The following SYN3 variants were observed in gnomAD, a reference collection of about 807,000 sequenced individuals.
SYN3 encodes synapsin III.
Under a neutral mutation model 65.8 loss-of-function variants are expected in SYN3, and 35 were observed. The ratio of observed to expected loss-of-function variants is 0.53; its 90% CI spans 0.41 to 0.70. The LOEUF is 0.70. Ranked by LOEUF, SYN3 falls within the 30% of genes least tolerant of loss-of-function variation. The pLI is 0.00. For missense variants in SYN3, 680 were observed against 749.0 expected (o/e 0.91, Z 1.08); for synonymous variants, 270 against 292.9 (o/e 0.92, Z 0.80).
intron 6 of SYN3, among the ~76,000 whole-genome samples, chr22:32,598,728 C>T (rs951966376): frequency 6.6e-5 from 10 of 152,010 alleles, no homozygotes; most frequent in Non-Finnish European, 1.2e-4. Flanking sequence ...TCAGGTGATC[C>T]GCCTGCCTCA....
At chr22:32,637,770 T>C (rs1468042905) in intron 6 of SYN3, among the ~76,000 whole-genome samples, 1 of 151,652 alleles carries the variant, frequency 6.6e-6, no homozygotes, top group African/African-American at 2.4e-5. Context: ...CTTGAGTAGC[T>C]GGGATTACAG....
chr22:32,524,414 G>A (rs1483564564), intron 12 of SYN3, among the ~76,000 whole-genome samples: 1 of 152,196 alleles, frequency 6.6e-6, no homozygotes, highest in Non-Finnish European at 1.5e-5. Context: ...GGAAATCCTA[G>A]GGCCCTTAAG....
chr22:32,886,689 G>C (rs1292492260), intron 4 of SYN3, among the ~76,000 whole-genome samples: 1 of 152,160 alleles, frequency 6.6e-6, no homozygotes, highest in Non-Finnish European at 1.5e-5. Context: ...TCAATCCCCT[G>C]CCCCTTATTC....
At chr22:32,753,073 G>C (rs990563707) in intron 6 of SYN3, among the ~76,000 whole-genome samples, 1 of 152,150 alleles carries the variant, frequency 6.6e-6, no homozygotes, top group African/African-American at 2.4e-5. Flanking sequence ...CAGAGGCCAA[G>C]AAGAGCCCCT....
intron 6 of SYN3, among the ~76,000 whole-genome samples, chr22:32,815,668 C>T (rs1219998015): frequency 6.6e-6 from 1 of 152,146 alleles, no homozygotes; most frequent in Non-Finnish European, 1.5e-5. Context: ...TATAAACATA[C>T]ATGTCAGAAA....
At chr22:32,887,201 A>C (rs2049317668) in intron 4 of SYN3, among the ~76,000 whole-genome samples, 1 of 151,978 alleles carries the variant, frequency 6.6e-6, no homozygotes, top group South Asian at 2.1e-4. Context: ...ACATAGTGAG[A>C]CCTCATCTCT....
At chr22:32,935,909 G>A (rs1326639498) in intron 3 of SYN3, among the ~76,000 whole-genome samples, 1 of 152,152 alleles carries the variant, frequency 6.6e-6, no homozygotes, top group East Asian at 1.9e-4. Context: ...TTAAAACAGA[G>A]GTAATGATAT....
Position 32,849,631 on chromosome 22 carries a change from G to A in SYN3, c.711+15284C>T, listed in dbSNP as rs529140937. 5 of 1,060,144 alleles carry A rather than the reference G, an allele frequency of 4.7e-6. No individual in the cohort carries two copies. In the South Asian group the frequency reaches 5.4e-5, roughly 11 times the overall value. 65.7% of individuals were successfully genotyped at this position (1,060,144 alleles called of 1,614,324 possible). A position where few individuals can be genotyped will look rare whatever the true frequency, so the allele number is the denominator to read the frequency against. ...GCAAAGTGGGTTGGAACTGGGGTGT[G>A]TGTCTAAGCACCAGCCAGACCCAGC... On this transcript the variant is annotated intron_variant, in intron 6 of 13. Transcript: ENST00000358763.
intron 4 of SYN3, among the ~76,000 whole-genome samples, chr22:32,893,432 G>A (rs962711431): frequency 1.3e-5 from 2 of 152,192 alleles, no homozygotes; most frequent in African/African-American, 4.8e-5. Flanking sequence ...AACAGAGAAA[G>A]GAGCCTTTGT....
chr22:32,599,810 G>A (rs1461198708), intron 6 of SYN3, among the ~76,000 whole-genome samples: 2 of 152,274 alleles, frequency 1.3e-5, no homozygotes, highest in African/African-American at 2.4e-5. Flanking sequence ...TGTGTCTTGT[G>A]CTGGTTGGGG....
chr22:32,937,742 G>C (rs1429490374), intron 3 of SYN3, among the ~76,000 whole-genome samples: 1 of 152,012 alleles, frequency 6.6e-6, no homozygotes, highest in Non-Finnish European at 1.5e-5. Context: ...GTGGGGCACA[G>C]AGCCAAACCA....
At chr22:32,766,579 T>G (rs879229373) in intron 6 of SYN3, among the ~76,000 whole-genome samples, 1 of 152,190 alleles carries the variant, frequency 6.6e-6, no homozygotes, top group African/African-American at 2.4e-5. Flanking sequence ...GCACAGCCAA[T>G]CCTATTCTTA....
intron 6 of SYN3, chr22:32,859,163 CTGTT>C (rs2048463679): frequency 6.2e-7 from 1 of 1,614,134 alleles, no homozygotes; most frequent in Non-Finnish European, 8.5e-7. Context: ...CAACTGCTGC[CTGTT>C]ATCTAATTGC....
intron 2 of SYN3, among the ~76,000 whole-genome samples, chr22:32,993,467 T>C (rs1307599867): frequency 6.6e-6 from 1 of 152,218 alleles, no homozygotes; most frequent in Non-Finnish European, 1.5e-5. Context: ...GTGATTCTCC[T>C]CCCGAGTAGC....
At chr22:32,650,252 TCC>T (rs2060047206) in intron 6 of SYN3, among the ~76,000 whole-genome samples, 2 of 41,496 alleles carry the variant, frequency 4.8e-5, no homozygotes, top group East Asian at 9.3e-4. Context: ...CCTCCCTCCC[TCC>T]CTCCCTCTCT....
At chr22:32,912,109 G>A (rs1601678949) in intron 4 of SYN3, among the ~76,000 whole-genome samples, 1 of 152,248 alleles carries the variant, frequency 6.6e-6, no homozygotes, top group East Asian at 1.9e-4. Context: ...ACAGTTCCCC[G>A]ACACAAAGCA....
At chr22:32,849,884 TG>T (rs2048171901) in intron 6 of SYN3, among the ~76,000 whole-genome samples, 1 of 151,968 alleles carries the variant, frequency 6.6e-6, no homozygotes. Flanking sequence ...AATTGTGAAA[TG>T]AGGGGGTTGG....
chr22:32,641,209 T>C (rs9609608), intron 6 of SYN3, among the ~76,000 whole-genome samples: 12,380 of 152,264 alleles, frequency 0.081, 676 homozygotes, highest in South Asian at 0.23. Flanking sequence ...TGACTTGTGA[T>C]CTGAACCGTG....
intron 10 of SYN3, among the ~76,000 whole-genome samples, chr22:32,531,603 T>C (rs1035758276): frequency 1.3e-5 from 2 of 152,120 alleles, no homozygotes; most frequent in Non-Finnish European, 2.9e-5. Flanking sequence ...TGTGAGCCTC[T>C]TCACAAAACA....
Sources: allele counts gnomAD v4.1 joint callset (sites outside exome capture counted in the v4.1 genomes callset), GRCh38; gene constraint gnomAD v4.1.1; transcripts MANE v1.5; gene names NCBI Gene and HGNC (gene_info 2026-07-23, HGNC 2026-07-21).